SLCO3A1: variants seen among roughly 807,000 people sequenced by gnomAD.
SLCO3A1 encodes the protein PGE1 transporter.
A neutral mutation model predicts 63.1 loss-of-function variants in SLCO3A1; 27 were observed. That is an observed-to-expected ratio of 0.43 (90% CI 0.32 to 0.59). The LOEUF is 0.59. SLCO3A1 is among the 20% of genes least tolerant of loss of function. The pLI, the probability that SLCO3A1 is intolerant of heterozygous loss-of-function variation, is 0.09. For missense variants in SLCO3A1, 773 were observed against 945.8 expected (o/e 0.82, Z 2.40); for synonymous variants, 473 against 409.9 (o/e 1.15, Z -1.86).
At chr15:92,059,724 C>T (rs1170111767) in intron 2 of SLCO3A1, among the ~76,000 whole-genome samples, 1 of 152,186 alleles carries the variant, frequency 6.6e-6, no homozygotes, top group Non-Finnish European at 1.5e-5. Context: ...ACACTGAGGC[C>T]TCCTTTAGCA....
At position 92,164,742 on chromosome 15, in the gene SLCO3A1, A is replaced by G; in HGVS notation, c.*1607A>G. ...GTCTGTGTGTTTTGAAGGTGGGTGAACCTCAGAGAATGAACCTGTTATGAT... is the reference window on the plus strand; with the variant it reads ...GTCTGTGTGTTTTGAAGGTGGGTGAGCCTCAGAGAATGAACCTGTTATGAT... On this transcript the variant is annotated 3_prime_UTR_variant, in exon 10 of 10. Transcript: ENST00000318445. 1 of 985,364 alleles carries G rather than the reference A, an allele frequency of 1.0e-6. No homozygotes were observed. Among genetic ancestry groups the G allele is most frequent in the Non-Finnish European group, 1.2e-6 (1 of 829,926 alleles). 61.0% of individuals were successfully genotyped at this position (985,364 alleles called of 1,614,324 possible).
chr15:92,062,700 T>C (rs1227677821), intron 2 of SLCO3A1, among the ~76,000 whole-genome samples: 2 of 152,174 alleles, frequency 1.3e-5, no homozygotes, highest in Non-Finnish European at 2.9e-5. Flanking sequence ...CCAGAGGCAG[T>C]CTCTGACATG....
At chr15:92,020,820 G>T (rs761576093) in intron 2 of SLCO3A1, among the ~76,000 whole-genome samples, 19 of 152,178 alleles carry the variant, frequency 1.2e-4, no homozygotes, top group Non-Finnish European at 2.1e-4. Flanking sequence ...TATAGTGCAT[G>T]GTACAGCATT....
Position 92,147,060 on chromosome 15 carries a change from C to G in SLCO3A1, c.1589C>G (p.Pro530Arg), listed in dbSNP as rs892035471. ...ATVVPGKCPS[P>R]GCQEAFLTFL... ...GTGGTTCCTGGAAAATGCCCCAGTC[C>G]TGGGTGCCAAGAGGCCTTCCTCACT... Residue 530 changes from proline to arginine, a missense_variant, in exon 8 of 10, where the codon CCT becomes CGT. Pro to Arg is a moderately radical substitution (Grantham distance 103). Transcript: ENST00000318445. 1 of 1,614,196 alleles carries G rather than the reference C, an allele frequency of 6.2e-7. No homozygotes were observed. Among genetic ancestry groups the G allele is most frequent in the South Asian group, 1.1e-5 (1 of 91,088 alleles).
At position 91,896,133 on chromosome 15, in the gene SLCO3A1, G is replaced by T. The variant is rs540751671; in HGVS notation, c.181-19860G>T. 2.6e-5 allele frequency among the ~76,000 whole-genome samples: 4 copies of T among 152,308 alleles called. No homozygotes were observed. The South Asian group carries it at 8.3e-4, about 32-fold the overall frequency. On this transcript the variant is annotated intron_variant, in intron 1 of 9. Transcript: ENST00000318445. ...CAGAGATAAAACAGGCATGGTTTAA[G>T]AGTCCTTAATGAAATATCTGCAGTT... is the stretch of plus-strand genomic sequence containing the variant.
At position 91,863,387 on chromosome 15, in the gene SLCO3A1, CT is replaced by C. The variant is rs1211274284; in HGVS notation, c.180+9302del. Among the ~76,000 whole-genome samples, 2 of 152,236 alleles carry C rather than the reference CT, an allele frequency of 1.3e-5. No homozygotes were observed. Among genetic ancestry groups the C allele is most frequent in the Non-Finnish European group, 1.5e-5 (1 of 68,044 alleles). On this transcript the variant is annotated intron_variant, in intron 1 of 9. Transcript: ENST00000318445. The surrounding 1 kb of genome is among the most constrained non-coding windows in gnomAD (Gnocchi z 4.3). ...GAGGGCAGGGCCCCCTTAAGGTTGG[CT>C]TTCGAGGTTGCTCGTGCAGTGTAGT...
At chr15:91,918,580 T>G (rs540049449) in intron 2 of SLCO3A1, among the ~76,000 whole-genome samples, 1 of 152,358 alleles carries the variant, frequency 6.6e-6, no homozygotes, top group Admixed American at 6.5e-5. Context: ...ATATGTGGTT[T>G]ATTCTCCAGG....
At chr15:91,963,411 G>GGA (rs1555418583) in intron 2 of SLCO3A1, among the ~76,000 whole-genome samples, 9 of 120,466 alleles carry the variant, frequency 7.5e-5, no homozygotes, top group Admixed American at 3.4e-4. Context: ...GGGAGGGTGG[G>GGA]GGGGGGGGGC....
intron 1 of SLCO3A1, among the ~76,000 whole-genome samples, chr15:91,855,295 C>A (rs1365208878): frequency 1.3e-5 from 2 of 152,160 alleles, no homozygotes; most frequent in Non-Finnish European, 2.9e-5. Context: ...TCTTAAGGCT[C>A]AGGGCTCACT....
chr15:91,974,265 G>GTTGTTGTTATTATTA lies in SLCO3A1; in HGVS notation c.646+57809_646+57810insGTTGTTATTATTATT, dbSNP rs147991710. ...CTAAACGGACACCATTTTCATTATTGTTATTATTATTATTATTATTATTAT... is the reference window on the plus strand; with the variant it reads ...CTAAACGGACACCATTTTCATTATTGTTGTTGTTATTATTATTATTATTATTATTATTATTATTAT... On this transcript the variant is annotated intron_variant, in intron 2 of 9. Coordinates refer to ENST00000318445, the MANE Select transcript of SLCO3A1 (RefSeq NM_013272.4). Among the ~76,000 whole-genome samples the GTTGTTGTTATTATTA allele has an allele frequency of 1.6e-3, 228 of 142,954 alleles. 1 individual carries two copies. Among genetic ancestry groups the GTTGTTGTTATTATTA allele is most frequent in the African/African-American group, 5.6e-3 (217 of 38,884 alleles). 93.8% of individuals were successfully genotyped at this position (142,954 alleles called of 152,430 possible). A position where few individuals can be genotyped will look rare whatever the true frequency, so the allele number is the denominator to read the frequency against.
chr15:91,881,400 T>C (rs542257233), intron 1 of SLCO3A1, among the ~76,000 whole-genome samples: 2 of 152,248 alleles, frequency 1.3e-5, no homozygotes, highest in South Asian at 4.1e-4. Context: ...TGGTTTGAGG[T>C]TGATCAGGAA....
intron 2 of SLCO3A1, among the ~76,000 whole-genome samples, chr15:91,972,511 C>T (rs1466589880): frequency 2.0e-5 from 3 of 152,154 alleles, no homozygotes; most frequent in South Asian, 2.1e-4. Flanking sequence ...CTTCTGGTGG[C>T]GCCTTCTTTT....
chr15:92,012,523 T>C (rs1223656146), intron 2 of SLCO3A1, among the ~76,000 whole-genome samples: 1 of 152,024 alleles, frequency 6.6e-6, no homozygotes, highest in Non-Finnish European at 1.5e-5. Flanking sequence ...GTGGAAAGTG[T>C]CCCCTTCCCA....
intron 1 of SLCO3A1, among the ~76,000 whole-genome samples, chr15:91,867,824 G>T (rs1897202214): frequency 6.6e-6 from 1 of 152,286 alleles, no homozygotes; most frequent in Middle Eastern, 3.4e-3. Context: ...CGGGTGTTCT[G>T]GGGGCTGGGA....
At chr15:91,913,822 C>T (rs910113738) in intron 1 of SLCO3A1, among the ~76,000 whole-genome samples, 1 of 152,114 alleles carries the variant, frequency 6.6e-6, no homozygotes, top group African/African-American at 2.4e-5. Context: ...TCAGCAGATC[C>T]AGCTCATTCT....
At chr15:91,966,604 G>C (rs1051179825) in intron 2 of SLCO3A1, among the ~76,000 whole-genome samples, 1 of 152,206 alleles carries the variant, frequency 6.6e-6, no homozygotes, top group African/African-American at 2.4e-5. Flanking sequence ...GAGGACTCAA[G>C]TTTTCATTAA....
chr15:91,926,557 C>CTGTGTGTGTGTGTGTGTG (rs1567189095), intron 2 of SLCO3A1, among the ~76,000 whole-genome samples: 24 of 54,370 alleles, frequency 4.4e-4, no homozygotes, highest in African/African-American at 2.5e-3. Flanking sequence ...TCCTGCCAAG[C>CTGTGTGTGTGTGTGTGTG]CGTGTGTGTG....
chr15:91,999,128 G>A (rs1357357561), intron 2 of SLCO3A1, among the ~76,000 whole-genome samples: 1 of 152,202 alleles, frequency 6.6e-6, no homozygotes, highest in Non-Finnish European at 1.5e-5. Context: ...AGACACTGGG[G>A]ACTACAGTGG....
chr15:92,022,663 C>T (rs1445525451), intron 2 of SLCO3A1, among the ~76,000 whole-genome samples: 1 of 152,190 alleles, frequency 6.6e-6, no homozygotes, highest in Non-Finnish European at 1.5e-5. Context: ...CAGGGTACAG[C>T]AAGTCTGCAA....
Sources: allele counts gnomAD v4.1 joint callset (sites outside exome capture counted in the v4.1 genomes callset), GRCh38; gene constraint gnomAD v4.1.1; non-coding constraint Gnocchi (gnomAD v3.1); transcripts MANE v1.5; gene names NCBI Gene and HGNC (gene_info 2026-07-23, HGNC 2026-07-21).